RABGAP1L: variants seen among roughly 807,000 people sequenced by gnomAD.
RABGAP1L encodes the protein rab GTPase-activating protein 1-like.
Under a neutral mutation model 137.7 loss-of-function variants are expected in RABGAP1L, and 63 were observed. The ratio of observed to expected loss-of-function variants is 0.46; its 90% CI spans 0.37 to 0.56. The LOEUF (loss-of-function observed/expected upper bound fraction) is 0.56. Ranked by LOEUF, RABGAP1L falls within the 20% of genes least tolerant of loss-of-function variation. RABGAP1L has a pLI of 0.00. For synonymous variants in RABGAP1L, 431 were observed against 433.7 expected, an observed-to-expected ratio of 0.99 and a Z score of 0.08; for missense variants, 1,095 against 1,244.0, an observed-to-expected ratio of 0.88 and a Z score of 1.80.
At chr1:174,642,320 C>G (rs945859569) in intron 14 of RABGAP1L, among the ~76,000 whole-genome samples, 1 of 151,784 alleles carries the variant, frequency 6.6e-6, no homozygotes, top group African/African-American at 2.4e-5. Context: ...ATATTTTTAT[C>G]AAAAAGATTG....
intron 18 of RABGAP1L, among the ~76,000 whole-genome samples, chr1:174,789,470 T>G (rs1359688234): frequency 6.6e-6 from 1 of 152,214 alleles, no homozygotes; most frequent in Admixed American, 6.5e-5. Context: ...TTACAGAGTT[T>G]CTTTACTTAT....
intron 12 of RABGAP1L, among the ~76,000 whole-genome samples, chr1:174,383,673 G>A (rs1006053186): frequency 2.6e-5 from 4 of 151,722 alleles, no homozygotes; most frequent in African/African-American, 9.7e-5. Flanking sequence ...GCACCCACTG[G>A]CCTGCACCCA....
intron 13 of RABGAP1L, among the ~76,000 whole-genome samples, chr1:174,573,632 T>A (rs1668155720): frequency 6.6e-6 from 1 of 152,176 alleles, no homozygotes; most frequent in African/African-American, 2.4e-5. Context: ...ATTTTTGCCT[T>A]ATAGTGATTA....
rs557385168 is a variant in RABGAP1L, at chr1:174,357,298, A to C, written c.1466-13681A>C. Among the ~76,000 whole-genome samples the C allele has an allele frequency of 3.3e-5, 5 of 152,310 alleles. 1 individual carries two copies. The highest frequency in any genetic ancestry group is 1.2e-4 in the African/African-American group (5 of 41,588). ...TGTCCTCTTGATCAGTCACATCCCC[A>C]AATCTGGGCACTTTCATATTCTTAA... On this transcript the variant is annotated intron_variant, in intron 11 of 25. Coordinates refer to ENST00000681986, the MANE Select transcript of RABGAP1L (RefSeq NM_001366446.1).
chr1:174,490,973 T>TCC lies in RABGAP1L; in HGVS notation c.1710+96831_1710+96832dup, dbSNP rs35679242. On this transcript the variant is annotated intron_variant, in intron 13 of 25. Transcript: ENST00000681986. ...GGACTCACCCTTCAGGGTGGTGGGC[T>TCC]CCCCTCTGGCCCATGGCAGACTCAG... Among the ~76,000 whole-genome samples the TCC allele has an allele frequency of 3.9e-5, 6 of 152,052 alleles. No homozygotes were observed. The South Asian group carries it at 1.2e-3, about 32-fold the overall frequency.
chr1:174,528,671 T>G (rs891644701), intron 13 of RABGAP1L, among the ~76,000 whole-genome samples: 5 of 152,124 alleles, frequency 3.3e-5, no homozygotes, highest in Middle Eastern at 3.4e-3. Context: ...TTAGACAATT[T>G]GACTATAATG....
intron 14 of RABGAP1L, among the ~76,000 whole-genome samples, chr1:174,683,176 ATCT>A (rs972806922): frequency 6.6e-6 from 1 of 151,140 alleles, no homozygotes; most frequent in Non-Finnish European, 1.5e-5. Flanking sequence ...CAACCTTAGA[ATCT>A]TCTTACTCTC....
intron 18 of RABGAP1L, among the ~76,000 whole-genome samples, chr1:174,784,837 T>C (rs541390701): frequency 1.9e-4 from 29 of 152,334 alleles, no homozygotes; most frequent in East Asian, 1.9e-4. Flanking sequence ...AAGCTCCATT[T>C]TGAAGAATCA....
At chr1:174,273,339 T>C (rs1558089283) in intron 8 of RABGAP1L, among the ~76,000 whole-genome samples, 1 of 152,002 alleles carries the variant, frequency 6.6e-6, no homozygotes, top group Non-Finnish European at 1.5e-5. Context: ...CTAAGTGTTG[T>C]GTGAAGTGAT....
At chr1:174,848,401 T>G (rs1647426219) in intron 19 of RABGAP1L, among the ~76,000 whole-genome samples, 1 of 136,544 alleles carries the variant, frequency 7.3e-6, no homozygotes, top group African/African-American at 2.9e-5. Context: ...TACAGATGGG[T>G]TTTTGGTGTG....
intron 19 of RABGAP1L, among the ~76,000 whole-genome samples, chr1:174,953,289 G>T (rs1382718780): frequency 2.0e-5 from 3 of 152,162 alleles, no homozygotes; most frequent in Non-Finnish European, 4.4e-5. Flanking sequence ...AAAACATGGA[G>T]AATGAAGAAA....
At chr1:174,705,982 G>A (rs1467746527) in intron 17 of RABGAP1L, among the ~76,000 whole-genome samples, 5 of 152,206 alleles carry the variant, frequency 3.3e-5, no homozygotes, top group African/African-American at 1.2e-4. Context: ...AAGCTCTCAG[G>A]TAGAAAAGTA....
At chr1:174,714,879 A>G (rs1299414627) in intron 17 of RABGAP1L, among the ~76,000 whole-genome samples, 2 of 152,190 alleles carry the variant, frequency 1.3e-5, no homozygotes, top group Non-Finnish European at 2.9e-5. Context: ...TTAAGACTAA[A>G]ATTCTTAATG....
chr1:174,900,299 C>T (rs937658422), intron 19 of RABGAP1L, among the ~76,000 whole-genome samples: 14 of 152,110 alleles, frequency 9.2e-5, no homozygotes, highest in Non-Finnish European at 4.4e-5. Context: ...ATAAGAGCCC[C>T]GCTTACAGAA....
At chr1:174,640,288 T>C (rs1674424239) in intron 14 of RABGAP1L, among the ~76,000 whole-genome samples, 1 of 152,088 alleles carries the variant, frequency 6.6e-6, no homozygotes. Context: ...AGCTCACAAA[T>C]AGGATAGCAT....
chr1:174,615,538 A>G (rs529750819), intron 13 of RABGAP1L, among the ~76,000 whole-genome samples: 34 of 152,168 alleles, frequency 2.2e-4, no homozygotes, highest in African/African-American at 6.3e-4. Flanking sequence ...CAGGGACCCA[A>G]TTGAGGAGGC....
chr1:174,415,144 G>T (rs540596432), intron 13 of RABGAP1L, among the ~76,000 whole-genome samples: 8 of 152,056 alleles, frequency 5.3e-5, no homozygotes, highest in African/African-American at 1.7e-4. Context: ...AACATTATTC[G>T]TTAGATTGTT....
chr1:174,674,381 T>C (rs1479696216), intron 14 of RABGAP1L, among the ~76,000 whole-genome samples: 2 of 150,572 alleles, frequency 1.3e-5, no homozygotes, highest in Non-Finnish European at 3.0e-5. Flanking sequence ...AATGATGATT[T>C]CCAATTTCAT....
chr1:174,748,522 G>T (rs1398992615), intron 17 of RABGAP1L, among the ~76,000 whole-genome samples: 1 of 152,130 alleles, frequency 6.6e-6, no homozygotes, highest in Non-Finnish European at 1.5e-5. Flanking sequence ...CTGAGAACAT[G>T]TGCCCAAGGT....
Sources: gnomAD v4.1 joint callset for allele counts (sites outside exome capture counted in the v4.1 genomes callset) on GRCh38, gnomAD v4.1.1 for gene constraint, MANE v1.5 for transcripts, NCBI Gene and HGNC (gene_info 2026-07-23, HGNC 2026-07-21) for gene names.